KANSL1L: variants seen among roughly 807,000 people sequenced by gnomAD.
KANSL1L encodes the protein KAT8 regulatory NSL complex subunit 1 like, also known as KAT8 regulatory NSL complex subunit 1-like protein.
A neutral mutation model predicts 108.6 loss-of-function variants in KANSL1L; 25 were observed. The ratio of observed to expected loss-of-function variants is 0.23; its 90% CI spans 0.17 to 0.32. The LOEUF is 0.32. Among genes scored for constraint, KANSL1L ranks in the 10% least tolerant of loss-of-function variants. KANSL1L has a pLI of 1.00. For missense variants in KANSL1L, 1,137 were observed against 1,125.7 expected (o/e 1.01, Z -0.14); for synonymous variants, 405 against 395.1 (o/e 1.03, Z -0.30).
chr2:210,147,653 A>G (rs981454400), intron 2 of KANSL1L, among the ~76,000 whole-genome samples: 7 of 152,212 alleles, frequency 4.6e-5, no homozygotes, highest in Non-Finnish European at 7.3e-5. Context: ...ACAAAATTCA[A>G]CTTCTCTCAT....
chr2:210,166,539 C>T (rs561969648), intron 1 of KANSL1L, among the ~76,000 whole-genome samples: 1 of 152,082 alleles, frequency 6.6e-6, no homozygotes, highest in Non-Finnish European at 1.5e-5. Flanking sequence ...AATTCCTATC[C>T]CCTAAAATAC....
chr2:210,059,259 T>C (rs2094394127), intron 6 of KANSL1L, among the ~76,000 whole-genome samples: 1 of 152,128 alleles, frequency 6.6e-6, no homozygotes, highest in Non-Finnish European at 1.5e-5. Context: ...TAATGCAGCA[T>C]GAGAGGCCAC....
At chr2:210,091,162 A>T (rs941909078) in intron 5 of KANSL1L, among the ~76,000 whole-genome samples, 22 of 152,192 alleles carry the variant, frequency 1.4e-4, no homozygotes, top group African/African-American at 5.3e-4. Flanking sequence ...CCCATCACCA[A>T]ATTTTAAGGT....
intron 14 of KANSL1L, 90 bp from the exon 15 acceptor site, chr2:210,023,269 A>G (rs1575339689): frequency 1.2e-6 from 1 of 862,074 alleles, no homozygotes; most frequent in Non-Finnish European, 1.8e-6. Context: ...CTATATTGTA[A>G]TAATTGTTCT....
intron 3 of KANSL1L, among the ~76,000 whole-genome samples, chr2:210,116,196 G>A (rs2125484929): frequency 6.6e-6 from 1 of 152,312 alleles, no homozygotes; most frequent in Non-Finnish European, 1.5e-5. Context: ...GGAAGGGACT[G>A]CTCTGCTTGA....
intron 6 of KANSL1L, among the ~76,000 whole-genome samples, chr2:210,048,227 C>T (rs549658636): frequency 1.6e-4 from 25 of 152,320 alleles, no homozygotes; most frequent in African/African-American, 5.1e-4. Flanking sequence ...GCATTTGCAT[C>T]CAATTTAAAA....
At chr2:210,061,085 C>T (rs2094414931) in intron 6 of KANSL1L, among the ~76,000 whole-genome samples, 1 of 152,154 alleles carries the variant, frequency 6.6e-6, no homozygotes, top group African/African-American at 2.4e-5. Flanking sequence ...ATAAAATAAC[C>T]TCTGATCTAA....
At chr2:210,079,616 A>ATG (rs1559539501) in intron 5 of KANSL1L, among the ~76,000 whole-genome samples, 6 of 1,134 alleles carry the variant, frequency 5.3e-3, no homozygotes, top group African/African-American at 9.4e-3. Flanking sequence ...GTATGTGTAT[A>ATG]TATATATATA....
chr2:210,049,588 C>A (rs981572457), intron 6 of KANSL1L, among the ~76,000 whole-genome samples: 8 of 151,898 alleles, frequency 5.3e-5, no homozygotes, highest in African/African-American at 1.7e-4. Context: ...CATAGTGAGA[C>A]CCTATTTTTA....
At chr2:210,145,176 G>A (rs1165513910) in intron 2 of KANSL1L, among the ~76,000 whole-genome samples, 1 of 152,180 alleles carries the variant, frequency 6.6e-6, no homozygotes, top group Non-Finnish European at 1.5e-5. Flanking sequence ...AGACTGGTGG[G>A]GTCGGTCCTC....
intron 6 of KANSL1L, among the ~76,000 whole-genome samples, chr2:210,051,707 T>C (rs962761204): frequency 1.3e-5 from 2 of 152,172 alleles, no homozygotes; most frequent in Non-Finnish European, 2.9e-5. Context: ...TTATAGGTCA[T>C]AGTTTGCTTT....
chr2:210,077,983 G>A (rs1402967886), intron 5 of KANSL1L, among the ~76,000 whole-genome samples: 2 of 152,104 alleles, frequency 1.3e-5, no homozygotes, highest in Non-Finnish European at 2.9e-5. Context: ...GAAATGCATC[G>A]TTAGGTTATT....
rs545310904 is a variant in KANSL1L at position 210,039,174 on chromosome 2, G to A, written c.2029+1246C>T. 1.2e-4 allele frequency among the ~76,000 whole-genome samples: 18 copies of A among 151,830 alleles called. No individual in the cohort carries two copies. The South Asian group carries it at 2.9e-3, about 25-fold the overall frequency. ...TGAGATAAACTTCCAGAATAACTTC[G>A]TTCCAATAATACCTCTGATTCTGAT... On this transcript the variant is annotated intron_variant, in intron 8 of 14. Coordinates refer to ENST00000281772, the MANE Select transcript of KANSL1L (RefSeq NM_152519.4).
intron 2 of KANSL1L, among the ~76,000 whole-genome samples, chr2:210,150,782 TAAA>T (rs762951836): frequency 2.6e-5 from 3 of 116,424 alleles, no homozygotes; most frequent in Non-Finnish European, 3.7e-5. Context: ...AACTCCATCT[TAAA>T]AAAAAAAAAA....
chr2:210,039,073 T>C (rs556631074), intron 8 of KANSL1L, among the ~76,000 whole-genome samples: 1 of 152,040 alleles, frequency 6.6e-6, no homozygotes, highest in Non-Finnish European at 1.5e-5. Flanking sequence ...AGAACCACCA[T>C]GTTTTAGTGA....
Position 210,154,403 on chromosome 2 carries a change from A to G in KANSL1L, c.180T>C (p.Thr60=). 6.2e-7 allele frequency: 1 copy of G among 1,610,900 alleles called. No homozygotes were observed. Among genetic ancestry groups the G allele is most frequent in the Non-Finnish European group, 8.5e-7 (1 of 1,178,744 alleles). Reference sequence around the variant, plus strand: ...CAAAATGTTTTAAATTCACAAAATTAGTATTAAGAGTAGGTTCAGGAGTTG... The same window carrying G: ...CAAAATGTTTTAAATTCACAAAATTGGTATTAAGAGTAGGTTCAGGAGTTG... ...GFPTPEPTLN[T]NFVNLKHFGS... is the part of the protein sequence containing the mutation. Residue 60 remains threonine, a synonymous_variant, in exon 2 of 15, where the codon ACT becomes ACC. Transcript: ENST00000281772.
At chr2:210,062,807 G>T (rs375047459) in intron 6 of KANSL1L, among the ~76,000 whole-genome samples, 8 of 152,304 alleles carry the variant, frequency 5.3e-5, no homozygotes, top group African/African-American at 1.4e-4. Flanking sequence ...AAGGTGTTCA[G>T]TTTTAAAAGG....
chr2:210,146,087 T>C (rs989935813), intron 2 of KANSL1L, among the ~76,000 whole-genome samples: 1 of 152,082 alleles, frequency 6.6e-6, no homozygotes, highest in Admixed American at 6.5e-5. Context: ...AAGATACTGA[T>C]GTTGTGGTCA....
chr2:210,122,038 T>C lies in KANSL1L; in HGVS notation c.1230+6993A>G, dbSNP rs576204763. 3.3e-5 allele frequency among the ~76,000 whole-genome samples: 5 copies of C among 152,106 alleles called. No homozygotes were observed. The East Asian group carries it at 9.6e-4, about 29-fold the overall frequency. The stretch of plus-strand genomic sequence containing the variant: ...CATTGATGAAAGAAACTGAAGAGGA[T>C]ACACACAAAAAGGAGATATTCCATT... On this transcript the variant is annotated intron_variant, in intron 3 of 14. Transcript: ENST00000281772.
Sources: allele counts gnomAD v4.1 joint callset (sites outside exome capture counted in the v4.1 genomes callset), GRCh38; gene constraint gnomAD v4.1.1; transcripts MANE v1.5; gene names NCBI Gene and HGNC (gene_info 2026-07-23, HGNC 2026-07-21).